The following RAD51B variants were observed in gnomAD, a reference collection of about 807,000 sequenced individuals.
The protein encoded by RAD51B is DNA repair protein RAD51 homolog 2.
In RAD51B, 38 loss-of-function variants were observed where a neutral mutation model predicts 42.2. The ratio of observed to expected loss-of-function variants is 0.90; its 90% CI spans 0.70 to 1.18. The LOEUF (loss-of-function observed/expected upper bound fraction) is 1.18. Ranked by LOEUF, RAD51B falls within the 50% of genes most tolerant of loss-of-function variation. The pLI is 0.00. For synonymous variants in RAD51B, 154 were observed against 145.2 expected, an observed-to-expected ratio of 1.06 and a Z score of -0.43; for missense variants, 373 against 400.7, an observed-to-expected ratio of 0.93 and a Z score of 0.59.
chr14:68,152,950 G>A (rs999315887), intron 7 of RAD51B, among the ~76,000 whole-genome samples: 10 of 152,162 alleles, frequency 6.6e-5, no homozygotes, highest in Admixed American at 1.3e-4. Context: ...TTTTATGGCT[G>A]TGTAGTATTC....
intron 5 of RAD51B, among the ~76,000 whole-genome samples, chr14:67,871,238 A>T (rs2042519524): frequency 6.6e-6 from 1 of 152,112 alleles, no homozygotes; most frequent in African/African-American, 2.4e-5. Flanking sequence ...GATGCAATAA[A>T]AAATGATAAA....
At chr14:68,156,331 T>C (rs2078504059) in intron 7 of RAD51B, among the ~76,000 whole-genome samples, 1 of 152,234 alleles carries the variant, frequency 6.6e-6, no homozygotes, top group African/African-American at 2.4e-5. Context: ...TCCAAAATAT[T>C]TTGCTATAAC....
chr14:67,859,419 A>G (rs1009996867), intron 4 of RAD51B, among the ~76,000 whole-genome samples: 1 of 152,256 alleles, frequency 6.6e-6, no homozygotes, highest in Admixed American at 6.5e-5. Flanking sequence ...AAAAATCAAC[A>G]ACAATCTAAT....
chr14:68,382,467 C>T (rs1306755829), intron 8 of RAD51B, among the ~76,000 whole-genome samples: 1 of 151,364 alleles, frequency 6.6e-6, no homozygotes, highest in Non-Finnish European at 1.5e-5. Flanking sequence ...GGTTCTACTC[C>T]AGACATTCCT....
intron 9 of RAD51B, among the ~76,000 whole-genome samples, chr14:68,425,839 G>A (rs1407469863): frequency 6.6e-6 from 1 of 152,098 alleles, no homozygotes; most frequent in African/African-American, 2.4e-5. Context: ...CAGTAATTCT[G>A]GAGGACTCAG....
At chr14:67,899,182 A>G (rs1428834982) in intron 7 of RAD51B, among the ~76,000 whole-genome samples, 1 of 150,976 alleles carries the variant, frequency 6.6e-6, no homozygotes, top group African/African-American at 2.4e-5. Context: ...AGCTGGGACT[A>G]TAGGCACCCG....
At chr14:68,026,016 T>C (rs1054107458) in intron 7 of RAD51B, among the ~76,000 whole-genome samples, 13 of 152,160 alleles carry the variant, frequency 8.5e-5, no homozygotes, top group Non-Finnish European at 1.6e-4. Flanking sequence ...TCAATGCTGT[T>C]TTAGCTGCAT....
chr14:68,571,417 T>A (rs1337450665), intron 10 of RAD51B, among the ~76,000 whole-genome samples: 1 of 152,144 alleles, frequency 6.6e-6, no homozygotes, highest in Non-Finnish European at 1.5e-5. Flanking sequence ...AAGAAAGTGT[T>A]GTCTTGTTTT....
chr14:67,868,936 A>C (rs2042426019), intron 5 of RAD51B, among the ~76,000 whole-genome samples: 1 of 152,280 alleles, frequency 6.6e-6, no homozygotes, highest in Admixed American at 6.5e-5. Context: ...ACCCATCTGT[A>C]CATCACCATC....
chr14:68,348,618 C>T (rs182993986), intron 8 of RAD51B, among the ~76,000 whole-genome samples: 33 of 152,206 alleles, frequency 2.2e-4, no homozygotes, highest in Admixed American at 1.8e-3. Flanking sequence ...GACTTTGTCT[C>T]GCCTGGCGCG....
intron 9 of RAD51B, among the ~76,000 whole-genome samples, chr14:68,441,281 G>A (rs111795716): frequency 6.6e-5 from 10 of 151,762 alleles, no homozygotes; most frequent in African/African-American, 2.2e-4. Flanking sequence ...GGTGGCTCAC[G>A]CCTGTAATCC....
intron 11 of RAD51B, among the ~76,000 whole-genome samples, chr14:68,678,674 G>C (rs896911736): frequency 1.3e-5 from 2 of 152,164 alleles, no homozygotes; most frequent in Non-Finnish European, 2.9e-5. Flanking sequence ...CCAAGGCAGA[G>C]AGTGCTGGTG....
chr14:67,895,117 C>T (rs1007655546), intron 7 of RAD51B, among the ~76,000 whole-genome samples: 1 of 152,140 alleles, frequency 6.6e-6, no homozygotes, highest in East Asian at 1.9e-4. Flanking sequence ...CTTTTGGAGA[C>T]TGATAGGTAG....
chr14:68,179,907 A>G (rs2079029954), intron 7 of RAD51B, among the ~76,000 whole-genome samples: 1 of 152,190 alleles, frequency 6.6e-6, no homozygotes, highest in Non-Finnish European at 1.5e-5. Context: ...CCCAAACACT[A>G]GGACACCAGC....
intron 7 of RAD51B, among the ~76,000 whole-genome samples, chr14:68,184,041 G>A (rs1035747455): frequency 2.0e-5 from 3 of 150,226 alleles, no homozygotes; most frequent in Non-Finnish European, 3.0e-5. Context: ...TGCAGTGAGC[G>A]GAGATCACGC....
intron 10 of RAD51B, among the ~76,000 whole-genome samples, chr14:68,490,526 T>C (rs2140279878): frequency 6.6e-6 from 1 of 152,352 alleles, no homozygotes; most frequent in East Asian, 1.9e-4. Context: ...CTAAGACATA[T>C]TGCCCCATTT....
intron 9 of RAD51B, 31 bp downstream of exon 9, chr14:68,411,558 G>C: frequency 6.3e-7 from 1 of 1,586,368 alleles, no homozygotes; most frequent in Non-Finnish European, 8.7e-7. Context: ...CTCTGACTAT[G>C]AAGGTCGGGG....
intron 11 of RAD51B, among the ~76,000 whole-genome samples, chr14:68,660,446 A>G (rs1892909387): frequency 6.6e-6 from 1 of 152,198 alleles, no homozygotes; most frequent in Non-Finnish European, 1.5e-5. Context: ...TTTATTGGGC[A>G]TCTACTATCT....
intron 7 of RAD51B, among the ~76,000 whole-genome samples, chr14:68,229,132 A>C (rs1478820795): frequency 6.6e-6 from 1 of 152,234 alleles, no homozygotes; most frequent in Non-Finnish European, 1.5e-5. Flanking sequence ...CTTCATATCT[A>C]TGAAAATTCA....
Sources: allele counts gnomAD v4.1 joint callset (sites outside exome capture counted in the v4.1 genomes callset), GRCh38; gene constraint gnomAD v4.1.1; transcripts MANE v1.5; gene names NCBI Gene and HGNC (gene_info 2026-07-23, HGNC 2026-07-21).